Variants in CDH8 observed in about 807,000 individuals in gnomAD.
CDH8 encodes the protein cadherin 8.
Under a neutral mutation model 68.1 loss-of-function variants are expected in CDH8, and 17 were observed. The ratio of observed to expected loss-of-function variants is 0.25; its 90% CI spans 0.17 to 0.37. The LOEUF (loss-of-function observed/expected upper bound fraction) is 0.37, where lower values mean the gene tolerates loss of function less well. Among genes scored for constraint, CDH8 ranks in the 10% least tolerant of loss-of-function variants. The pLI is 1.00. For synonymous variants in CDH8, 372 were observed against 365.1 expected, an observed-to-expected ratio of 1.02 and a Z score of -0.21; for missense variants, 763 against 999.3, an observed-to-expected ratio of 0.76 and a Z score of 3.19.
intron 3 of CDH8, among the ~76,000 whole-genome samples, chr16:61,896,290 T>C (rs1478657821): frequency 6.6e-6 from 1 of 152,220 alleles, no homozygotes; most frequent in African/African-American, 2.4e-5. Context: ...TTGGCTGCCA[T>C]TTGGGCAAAT....
At chr16:61,671,971 T>A (rs773101433) in intron 10 of CDH8, among the ~76,000 whole-genome samples, 1 of 152,166 alleles carries the variant, frequency 6.6e-6, no homozygotes, top group Non-Finnish European at 1.5e-5. Flanking sequence ...TGTAATCTGA[T>A]ACAATTCCCT....
At position 61,660,845 on chromosome 16, in the gene CDH8, G is replaced by T. The variant is rs146694869; in HGVS notation, c.1655-5124C>A. On this transcript the variant is annotated intron_variant, in intron 10 of 11. Coordinates refer to ENST00000577390, the MANE Select transcript of CDH8 (RefSeq NM_001796.5). ...TATCTTTCAAAATAAATATGTATAT[G>T]AAATAAAGATATTCTCGGATGGACA... 2.1e-3 allele frequency among the ~76,000 whole-genome samples: 321 copies of T among 152,058 alleles called. 3 individuals carry two copies. Among genetic ancestry groups the T allele is most frequent in the Non-Finnish European group, 3.7e-3 (253 of 67,916 alleles).
At chr16:61,812,522 A>G (rs1158163386) in intron 7 of CDH8, among the ~76,000 whole-genome samples, 1 of 152,200 alleles carries the variant, frequency 6.6e-6, no homozygotes, top group African/African-American at 2.4e-5. Context: ...TTCCTTAGAA[A>G]GAATCACATA....
At chr16:61,832,375 GAT>G (rs370740467) in intron 4 of CDH8, among the ~76,000 whole-genome samples, 5,296 of 147,060 alleles carry the variant, frequency 0.036, 129 homozygotes, top group Middle Eastern at 0.083. Context: ...TAGATAGATA[GAT>G]AGATACATAG....
intron 3 of CDH8, among the ~76,000 whole-genome samples, chr16:61,880,720 T>C (rs1031301932): frequency 6.6e-6 from 1 of 152,176 alleles, no homozygotes; most frequent in African/African-American, 2.4e-5. Context: ...GAAAATGCCA[T>C]TCTTGCTACT....
chr16:61,864,307 T>C (rs1346060733), intron 3 of CDH8, among the ~76,000 whole-genome samples: 1 of 151,142 alleles, frequency 6.6e-6, no homozygotes, highest in Admixed American at 6.6e-5. Context: ...GGTTGGTTGG[T>C]TGGTTGGTTG....
At chr16:61,657,414 T>C (rs185924893) in intron 10 of CDH8, among the ~76,000 whole-genome samples, 77 of 152,256 alleles carry the variant, frequency 5.1e-4, no homozygotes, top group Admixed American at 1.7e-3. Context: ...AATTGTTTTC[T>C]GAACTTCTTC....
At chr16:61,933,221 G>C (rs1964573647) in intron 2 of CDH8, among the ~76,000 whole-genome samples, 2 of 152,162 alleles carry the variant, frequency 1.3e-5, no homozygotes, top group South Asian at 4.1e-4. Context: ...ATCAAACGAA[G>C]AGAATCAATA....
intron 2 of CDH8, among the ~76,000 whole-genome samples, chr16:62,009,268 G>T (rs759169530): frequency 1.4e-4 from 21 of 152,252 alleles, no homozygotes; most frequent in Non-Finnish European, 2.5e-4. Context: ...GACCAGAACT[G>T]CTCAGGAGAA....
chr16:62,006,106 A>G (rs1214834645), intron 2 of CDH8, among the ~76,000 whole-genome samples: 1 of 152,226 alleles, frequency 6.6e-6, no homozygotes, highest in Admixed American at 6.5e-5. Context: ...TGATCACTAG[A>G]GAAAACACAA....
chr16:61,757,693 G>A (rs919221939), intron 8 of CDH8, among the ~76,000 whole-genome samples: 1 of 152,082 alleles, frequency 6.6e-6, no homozygotes, highest in African/African-American at 2.4e-5. Context: ...ACCAGGCCAT[G>A]GAGAAGCCCA....
chr16:61,883,172 A>T (rs1963609543), intron 3 of CDH8, among the ~76,000 whole-genome samples: 1 of 152,190 alleles, frequency 6.6e-6, no homozygotes, highest in African/African-American at 2.4e-5. Context: ...GGTATATACC[A>T]AAACGTAAAC....
chr16:61,700,379 C>A (rs1419543269), intron 10 of CDH8, among the ~76,000 whole-genome samples: 1 of 151,042 alleles, frequency 6.6e-6, no homozygotes, highest in African/African-American at 2.4e-5. Context: ...CTCCTGGGTT[C>A]AAGCGATTCT....
intron 2 of CDH8, among the ~76,000 whole-genome samples, chr16:61,926,977 A>C (rs1964465818): frequency 6.6e-6 from 1 of 152,224 alleles, no homozygotes; most frequent in African/African-American, 2.4e-5. Context: ...GCATTGCATG[A>C]GTCATCGCCT....
At chr16:61,937,077 T>C (rs778788529) in intron 2 of CDH8, among the ~76,000 whole-genome samples, 15 of 152,140 alleles carry the variant, frequency 9.9e-5, no homozygotes, top group Non-Finnish European at 2.1e-4. Flanking sequence ...TCCCAGGGTT[T>C]TTTCAGGATT....
At chr16:61,928,836 T>G (rs1379348569) in intron 2 of CDH8, among the ~76,000 whole-genome samples, 1 of 152,230 alleles carries the variant, frequency 6.6e-6, no homozygotes, top group South Asian at 2.1e-4. Context: ...AAGGGACATC[T>G]ACATAAAAGC....
chr16:61,893,415 A>AGTGTGT (rs139637026), intron 3 of CDH8, among the ~76,000 whole-genome samples: 108 of 145,736 alleles, frequency 7.4e-4, no homozygotes, highest in African/African-American at 2.4e-3. Context: ...TGTGTGTGTG[A>AGTGTGT]GTGTGTGTGT....
chr16:61,739,901 A>ATATATATG (rs1959813773), intron 8 of CDH8, among the ~76,000 whole-genome samples: 2 of 90,414 alleles, frequency 2.2e-5, no homozygotes, highest in Non-Finnish European at 4.1e-5. Flanking sequence ...ATATATATAT[A>ATATATATG]TATATATATA....
chr16:61,860,032 C>T (rs1425374029), intron 3 of CDH8, among the ~76,000 whole-genome samples: 1 of 152,016 alleles, frequency 6.6e-6, no homozygotes, highest in East Asian at 1.9e-4. Context: ...TTAGTAGACA[C>T]GTTTTTCACC....
Sources: allele counts gnomAD v4.1 joint callset (sites outside exome capture counted in the v4.1 genomes callset), GRCh38; gene constraint gnomAD v4.1.1; transcripts MANE v1.5; gene names NCBI Gene and HGNC (gene_info 2026-07-23, HGNC 2026-07-21).